PARVB: variants seen among roughly 807,000 people sequenced by gnomAD.
The protein encoded by PARVB is beta-parvin.
Under a neutral mutation model 47.0 loss-of-function variants are expected in PARVB, and 46 were observed. The ratio of observed to expected loss-of-function variants is 0.98; its 90% CI spans 0.77 to 1.25. The LOEUF is 1.25. PARVB is among the 50% of genes most tolerant of loss of function. The probability of loss-of-function intolerance (pLI) is 0.00; values close to 1 mark genes in which losing one functional copy is unlikely to be tolerated. For synonymous variants in PARVB, 196 were observed against 196.3 expected (o/e 1.00, Z 0.01); for missense variants, 473 against 471.6 (o/e 1.00, Z -0.03).
chr22:44,154,714 T>G (rs2053885841), intron 10 of PARVB, among the ~76,000 whole-genome samples: 1 of 139,810 alleles, frequency 7.2e-6, no homozygotes, highest in Non-Finnish European at 1.5e-5. Flanking sequence ...TGTGTGTGTG[T>G]GGTTAAGTAG....
chr22:44,028,434 C>G (rs1049622651), intron 1 of PARVB, among the ~76,000 whole-genome samples: 5 of 152,154 alleles, frequency 3.3e-5, no homozygotes, highest in Non-Finnish European at 5.9e-5. Flanking sequence ...GCTTCTTCCA[C>G]TCAATGATAT....
chr22:44,134,711 C>T (rs2053405582), intron 6 of PARVB, among the ~76,000 whole-genome samples: 1 of 152,160 alleles, frequency 6.6e-6, no homozygotes, highest in South Asian at 2.1e-4. Context: ...TATCTAACCC[C>T]AGATGGAATG....
intron 2 of PARVB, chr22:43,999,682 T>G: frequency 6.2e-7 from 1 of 1,607,322 alleles, no homozygotes; most frequent in South Asian, 1.1e-5. Flanking sequence ...AGGTAAGTTT[T>G]GGGGGAAAAA....
rs1411316396 is a variant in PARVB at position 44,044,680 on chromosome 22, T to A, written c.112+20229T>A. Among the ~76,000 whole-genome samples, 13 of 151,150 alleles carry A rather than the reference T, an allele frequency of 8.6e-5. 1 individual carries two copies. The highest frequency in any genetic ancestry group is 8.6e-4 in the Admixed American group (13 of 15,124). On this transcript the variant is annotated intron_variant, in intron 1 of 12. Transcript: ENST00000338758. Reference sequence around the variant, plus strand: ...TTTGTATTTTTAGTAGAGACGGGGTTTTACCATGTTGGCCAGGTGGGTCTC... The same window carrying A: ...TTTGTATTTTTAGTAGAGACGGGGTATTACCATGTTGGCCAGGTGGGTCTC...
At chr22:44,002,453 G>A (rs1211782157) in intron 2 of PARVB, among the ~76,000 whole-genome samples, 2 of 152,154 alleles carry the variant, frequency 1.3e-5, no homozygotes, top group East Asian at 1.9e-4. Context: ...TATCAGTATC[G>A]AGAGAAACAA....
chr22:44,078,448 G>A (rs533561920), intron 1 of PARVB, among the ~76,000 whole-genome samples: 27 of 152,234 alleles, frequency 1.8e-4, no homozygotes, highest in Non-Finnish European at 3.1e-4. Flanking sequence ...TTACCATGTC[G>A]GGGCAGGCAT....
At chr22:44,078,882 G>A (rs1666014575) in intron 1 of PARVB, among the ~76,000 whole-genome samples, 1 of 152,168 alleles carries the variant, frequency 6.6e-6, no homozygotes, top group Admixed American at 6.5e-5. Context: ...AGACCACCAA[G>A]TGCAGCTAAT....
At position 44,136,412 on chromosome 22, in the gene PARVB, C is replaced by T. The variant is rs776234516; in HGVS notation, c.634-48C>T. On this transcript the variant is annotated intron_variant, in intron 6 of 12. Coordinates refer to ENST00000338758, the MANE Select transcript of PARVB (RefSeq NM_013327.5). ...CGTCTGCCCTGTCAGTGCATCTTTC[C>T]TCAACTCTCCACTGCCTGATTTTGT... The T allele has an allele frequency of 1.9e-6, 3 of 1,562,756 alleles. No individual in the cohort carries two copies. The African/African-American group carries it at 4.0e-5, about 21-fold the overall frequency.
intron 1 of PARVB, among the ~76,000 whole-genome samples, chr22:44,027,541 T>C (rs1603424755): frequency 6.6e-6 from 1 of 152,170 alleles, no homozygotes; most frequent in Non-Finnish European, 1.5e-5. Context: ...AGTCTGGAGG[T>C]TCTGTCCCTC....
rs1277481321 is a variant in PARVB at position 44,068,113 on chromosome 22, G to GC, written c.113-25815_113-25814insC. Among the ~76,000 whole-genome samples the GC allele has an allele frequency of 0.027, 4 of 146 alleles. No individual in the cohort carries two copies. The highest frequency in any genetic ancestry group is 0.11 in the African/African-American group (4 of 36). The allele number at this position is 146 out of a possible 152,430, so 0.1% of individuals were successfully genotyped here. On this transcript the variant is annotated intron_variant, in intron 1 of 12. Transcript: ENST00000338758. This position sits in a 1 kb window ranked among gnomAD's most constrained non-coding sequence, Gnocchi z 4.1. ...ACCGCTTCCTGCTTCAGCAGAACTG[G>GC]GATTGTCAGTTAATCGAGCAACACC...
At chr22:44,054,587 G>T (rs2051269734) in intron 1 of PARVB, among the ~76,000 whole-genome samples, 2 of 152,160 alleles carry the variant, frequency 1.3e-5, no homozygotes, top group Non-Finnish European at 2.9e-5. Flanking sequence ...GCAGGGAGGG[G>T]ACAGGGAGTT....
intron 1 of PARVB, chr22:44,086,872 G>T (rs943057151): frequency 3.1e-6 from 3 of 978,706 alleles, no homozygotes; most frequent in African/African-American, 1.8e-5. Flanking sequence ...CCTGGCAGAG[G>T]CCTGGAAAAC....
intron 2 of PARVB, among the ~76,000 whole-genome samples, chr22:44,008,204 A>T (rs909986294): frequency 1.3e-5 from 2 of 151,944 alleles, no homozygotes; most frequent in African/African-American, 4.8e-5. Flanking sequence ...AGGTTCAAGC[A>T]ATTCTCCTGC....
rs958036191 is a variant in PARVB, at chr22:44,154,784, CTG to C, written c.844-3193_844-3192del. 4.9e-5 allele frequency among the ~76,000 whole-genome samples: 6 copies of C among 123,474 alleles called. No homozygotes were observed. The South Asian group carries it at 8.0e-4, about 16-fold the overall frequency. 81.0% of individuals were successfully genotyped at this position (123,474 alleles called of 152,430 possible). A position where few individuals can be genotyped will look rare whatever the true frequency, so the allele number is the denominator to read the frequency against. On this transcript the variant is annotated intron_variant, in intron 10 of 12. Coordinates refer to ENST00000338758, the MANE Select transcript of PARVB (RefSeq NM_013327.5). Reference sequence around the variant, plus strand: ...GTGGTGTGTGTGTGGTTTATGTAGTCTGTGTGGTGTGATGTGTGTGTGTAGTT... The same window carrying C: ...GTGGTGTGTGTGTGGTTTATGTAGTCTGTGGTGTGATGTGTGTGTGTAGTT...
chr22:44,116,073 T>C (rs2052894601), intron 3 of PARVB: 2 of 152,410 alleles, frequency 1.3e-5, no homozygotes, highest in Admixed American at 6.5e-5. Context: ...GTCTCAGGGT[T>C]CCTCCCAGGA....
intron 10 of PARVB, among the ~76,000 whole-genome samples, chr22:44,156,963 C>CA (rs1314678092): frequency 2.6e-5 from 4 of 152,124 alleles, no homozygotes; most frequent in Non-Finnish European, 5.9e-5. Flanking sequence ...GGTGACCCAA[C>CA]AATGAGGATG....
chr22:44,022,598 A>G (rs1270316171), upstream of PARVB, among the ~76,000 whole-genome samples: 1 of 152,068 alleles, frequency 6.6e-6, no homozygotes, highest in Non-Finnish European at 1.5e-5. Context: ...GGGGGCAGCC[A>G]GCACAAAGGG....
chr22:44,025,769 C>T (rs1429326186), intron 1 of PARVB, among the ~76,000 whole-genome samples: 2 of 152,212 alleles, frequency 1.3e-5, no homozygotes, highest in Admixed American at 6.5e-5. Context: ...GCACCCTCAC[C>T]AGAAATCATT....
intron 9 of PARVB, chr22:44,150,452 A>G (rs1250411311): frequency 6.6e-6 from 1 of 152,076 alleles, no homozygotes; most frequent in African/African-American, 2.4e-5. Context: ...TGGGTGGATC[A>G]CCTGAGGTCT....
Sources: gnomAD v4.1 joint callset for allele counts (sites outside exome capture counted in the v4.1 genomes callset) on GRCh38, gnomAD v4.1.1 for gene constraint, Gnocchi (gnomAD v3.1) non-coding constraint, MANE v1.5 for transcripts, NCBI Gene and HGNC (gene_info 2026-07-23, HGNC 2026-07-21) for gene names.